The following TRPC5 variants were observed in gnomAD, a reference collection of about 807,000 sequenced individuals.
TRPC5 encodes the protein transient receptor potential cation channel subfamily C member 5.
Under a neutral mutation model 56.5 loss-of-function variants are expected in TRPC5, and 9 were observed. That is an observed-to-expected ratio of 0.16 (90% CI 0.10 to 0.28). The LOEUF (loss-of-function observed/expected upper bound fraction) is 0.28. Ranked by LOEUF, TRPC5 falls within the 10% of genes least tolerant of loss-of-function variation. TRPC5 has a pLI of 1.00. For missense variants in TRPC5, 469 were observed against 748.9 expected (o/e 0.63, Z 4.36); for synonymous variants, 282 against 278.5 (o/e 1.01, Z -0.13).
chrX:111,845,347 G>A (rs749939177), intron 6 of TRPC5, among the ~76,000 whole-genome samples: 47 of 111,638 alleles, frequency 4.2e-4, no homozygotes, highest in Non-Finnish European at 8.3e-4. Flanking sequence ...TAGAGGGAAA[G>A]TTGAGGTAAC....
rs35476875 is a variant in TRPC5, at chrX:112,029,829, C to CT, written c.-22+52049dup. 9.0e-3 allele frequency among the ~76,000 whole-genome samples: 890 copies of CT among 98,675 alleles called. 1 individual carries two copies. Among genetic ancestry groups the CT allele is most frequent in the Non-Finnish European group, 0.011 (512 of 48,494 alleles). 85.7% of individuals were successfully genotyped at this position (98,675 alleles called of 115,157 possible). A position where few individuals can be genotyped will look rare whatever the true frequency, so the allele number is the denominator to read the frequency against. ...GAGTCGTTTTCATGAAAGCCTCATC[C>CT]TTTTTTTTTTTTTTTGAGACAGAGT... On this transcript the variant is annotated intron_variant, in intron 1 of 10. Coordinates refer to ENST00000262839, the MANE Select transcript of TRPC5 (RefSeq NM_012471.3).
chrX:111,825,676 C>T (rs1922212043), intron 7 of TRPC5, among the ~76,000 whole-genome samples: 2 of 111,650 alleles, frequency 1.8e-5, no homozygotes, highest in African/African-American at 6.5e-5. Flanking sequence ...AACAGGAAGC[C>T]CCTTTTATCC....
intron 2 of TRPC5, among the ~76,000 whole-genome samples, chrX:111,951,426 G>A (rs931268611): frequency 8.9e-6 from 1 of 111,969 alleles, no homozygotes; most frequent in African/African-American, 3.2e-5. Context: ...CTCGGGGATT[G>A]GACATGGGGG....
At chrX:112,005,921 G>A (rs1281803821) in intron 1 of TRPC5, among the ~76,000 whole-genome samples, 9 of 111,615 alleles carry the variant, frequency 8.1e-5, no homozygotes, top group African/African-American at 2.9e-4. Context: ...TATCCCCCAA[G>A]GCCGACCATG....
chrX:112,040,112 T>C (rs1929854666), intron 1 of TRPC5, among the ~76,000 whole-genome samples: 1 of 112,263 alleles, frequency 8.9e-6, no homozygotes, highest in African/African-American at 3.2e-5. Context: ...ACAGATGCTC[T>C]ATTTAAGTAG....
chrX:111,886,227 C>A (rs1469071906), intron 3 of TRPC5, among the ~76,000 whole-genome samples: 1 of 112,174 alleles, frequency 8.9e-6, no homozygotes, highest in Non-Finnish European at 1.9e-5. Context: ...TTGCAGTGAG[C>A]CAAGATCATG....
intron 7 of TRPC5, among the ~76,000 whole-genome samples, chrX:111,800,535 CG>C (rs1291284503): frequency 9.0e-6 from 1 of 110,583 alleles, no homozygotes; most frequent in Non-Finnish European, 1.9e-5. Flanking sequence ...GAGGCCAAGG[CG>C]GGGGGATCAC....
chrX:112,038,628 C>T (rs920532487), intron 1 of TRPC5, among the ~76,000 whole-genome samples: 2 of 111,909 alleles, frequency 1.8e-5, no homozygotes, highest in Non-Finnish European at 3.8e-5. Flanking sequence ...ATTATGCATA[C>T]AATGCAAATG....
intron 1 of TRPC5, among the ~76,000 whole-genome samples, chrX:111,994,753 T>C (rs1030797321): frequency 2.7e-5 from 3 of 111,699 alleles, no homozygotes; most frequent in Non-Finnish European, 5.6e-5. Flanking sequence ...ACACTGATTT[T>C]GTATCCTGAG....
rs1248227700 is a variant in TRPC5 at position 111,905,922 on chromosome X, A to C, written c.900+6369T>G. ...AGAGCGAGTCTCTGTCTCAAAAAAA[A>C]AAAAAAAAAGAAAGAAAGAAAAATA... is the stretch of plus-strand genomic sequence containing the variant. On this transcript the variant is annotated intron_variant, in intron 3 of 10. Transcript: ENST00000262839. Among the ~76,000 whole-genome samples, 80 of 107,915 alleles carry C rather than the reference A, an allele frequency of 7.4e-4. 2 individuals are homozygous for C. The highest frequency in any genetic ancestry group is 1.5e-4 in the Non-Finnish European group (8 of 52,349). 93.7% of individuals were successfully genotyped at this position (107,915 alleles called of 115,157 possible).
At chrX:111,878,029 T>G (rs760348146) in intron 3 of TRPC5, among the ~76,000 whole-genome samples, 3 of 110,902 alleles carry the variant, frequency 2.7e-5, no homozygotes, top group South Asian at 7.7e-4. Flanking sequence ...GAGTGGGAAG[T>G]AAAGAAGTAT....
intron 7 of TRPC5, among the ~76,000 whole-genome samples, chrX:111,790,570 T>C (rs1197074983): frequency 9.0e-6 from 1 of 111,469 alleles, no homozygotes; most frequent in Non-Finnish European, 1.9e-5. Flanking sequence ...AATAAATAAA[T>C]AGGGGAAAAA....
At chrX:111,983,312 T>C (rs1928129218) in intron 1 of TRPC5, among the ~76,000 whole-genome samples, 1 of 111,332 alleles carries the variant, frequency 9.0e-6, no homozygotes. Context: ...ATTACCTCCA[T>C]CACAGCCATC....
chrX:111,848,847 T>C (rs1157070968), intron 5 of TRPC5, among the ~76,000 whole-genome samples: 2 of 111,862 alleles, frequency 1.8e-5, no homozygotes, highest in Non-Finnish European at 3.8e-5. Flanking sequence ...TGCATTACTG[T>C]GAGGGGTAGG....
chrX:111,983,300 C>T (rs184518082), intron 1 of TRPC5, among the ~76,000 whole-genome samples: 44 of 111,344 alleles, frequency 4.0e-4, no homozygotes, highest in Non-Finnish European at 8.1e-4. Flanking sequence ...CTGAGCCCAT[C>T]GATTACCTCC....
chrX:111,795,524 T>C (rs919963804), intron 7 of TRPC5, among the ~76,000 whole-genome samples: 2 of 111,370 alleles, frequency 1.8e-5, no homozygotes, highest in African/African-American at 6.5e-5. Context: ...GCTTTAAATA[T>C]TTTGTATATG....
In TRPC5 at chrX:112,075,912, A is replaced by G. The variant is rs982193106; in HGVS notation, c.-22+5967T>C. On this transcript the variant is annotated intron_variant, in intron 1 of 10. Coordinates refer to ENST00000262839, the MANE Select transcript of TRPC5 (RefSeq NM_012471.3). ...AGTGAGGAAGTAGATTCTCTGCTAG[A>G]GCCTCCAGAAGGGAAGGCAGTCCTG... is the stretch of plus-strand genomic sequence containing the variant. 4.1e-4 allele frequency among the ~76,000 whole-genome samples: 46 copies of G among 112,229 alleles called. 2 individuals carry two copies. The highest frequency in any genetic ancestry group is 1.5e-3 in the African/African-American group (45 of 30,902).
intron 7 of TRPC5, among the ~76,000 whole-genome samples, chrX:111,798,558 T>C (rs778040560): frequency 5.3e-4 from 59 of 111,454 alleles, no homozygotes; most frequent in Admixed American, 1.6e-3. Flanking sequence ...TACAAGAAAA[T>C]GTCAAATTTC....
At chrX:111,955,741 T>C (rs1927218112) in intron 1 of TRPC5, among the ~76,000 whole-genome samples, 1 of 111,997 alleles carries the variant, frequency 8.9e-6, no homozygotes, top group Non-Finnish European at 1.9e-5. Flanking sequence ...TCTGCCATTA[T>C]TCTGAGAATA....
Sources: gnomAD v4.1 joint callset for allele counts (sites outside exome capture counted in the v4.1 genomes callset) on GRCh38, gnomAD v4.1.1 for gene constraint, MANE v1.5 for transcripts, NCBI Gene and HGNC (gene_info 2026-07-23, HGNC 2026-07-21) for gene names.